COPZ1: variants seen among roughly 807,000 people sequenced by gnomAD.
COPZ1 encodes the protein coat protein complex I subunit zeta 1, also known as coatomer subunit zeta-1.
A neutral mutation model predicts 31.7 loss-of-function variants in COPZ1; 4 were observed. The observed-to-expected ratio is 0.13, with a 90% CI of 0.06 to 0.29. The LOEUF is 0.29. Ranked by LOEUF, COPZ1 falls within the 10% of genes least tolerant of loss-of-function variation. The pLI is 1.00. For synonymous variants in COPZ1, 74 were observed against 79.0 expected, an observed-to-expected ratio of 0.94 and a Z score of 0.33; for missense variants, 156 against 211.5, an observed-to-expected ratio of 0.74 and a Z score of 1.63.
chr12:54,335,471 C>T (rs1487455480), intron 1 of COPZ1, among the ~76,000 whole-genome samples: 12 of 150,462 alleles, frequency 8.0e-5, no homozygotes, highest in Admixed American at 2.0e-4. Flanking sequence ...TGCAGTGGTG[C>T]GATCTCAGCT....
intron 1 of COPZ1, among the ~76,000 whole-genome samples, chr12:54,328,022 T>C (rs1198311025): frequency 6.6e-6 from 1 of 151,756 alleles, no homozygotes; most frequent in Non-Finnish European, 1.5e-5. Context: ...CCTGTAATCC[T>C]AGCACTTTGG....
At chr12:54,349,478 C>T (rs986523044) in intron 7 of COPZ1, 142 bp from the exon 8 acceptor site, 2 of 758,032 alleles carry the variant, frequency 2.6e-6, no homozygotes, top group East Asian at 2.4e-5. Context: ...CTGTACTAGT[C>T]CCTAGAAGGG....
chr12:54,327,627 A>T (rs2137081935), intron 1 of COPZ1, among the ~76,000 whole-genome samples: 1 of 152,042 alleles, frequency 6.6e-6, no homozygotes, highest in Admixed American at 6.6e-5. Context: ...GGTTGAGTGC[A>T]GTGGCTCATG....
At chr12:54,325,462 C>T in intron 1 of COPZ1, 1 of 375,664 alleles carries the variant, frequency 2.7e-6, no homozygotes, top group Non-Finnish European at 4.8e-6. Context: ...GATTAGGACC[C>T]TTCAGGTTGC....
intron 1 of COPZ1, among the ~76,000 whole-genome samples, chr12:54,331,582 G>A (rs146563046): frequency 5.9e-5 from 9 of 152,266 alleles, no homozygotes; most frequent in African/African-American, 2.2e-4. Context: ...TGGTTTTAGA[G>A]GGAGACTAAA....
At position 54,347,812 on chromosome 12, in the gene COPZ1, G is replaced by A. The variant is rs374563807; in HGVS notation, c.363G>A (p.Leu121=). The part of the protein sequence containing the change: ...KRALLENMEG[L]FLAVDEIVDG... ...CACTGCTGGAGAACATGGAGGGGCT[G>A]TTCTTGGCTGTGGATGAAATTGTAG... Residue 121 remains leucine (L), a synonymous_variant, in exon 6 of 9, where the codon CTG becomes CTA. Transcript: ENST00000262061. 8 of 1,612,600 alleles carry A rather than the reference G, an allele frequency of 5.0e-6. No homozygotes were observed. Among genetic ancestry groups the A allele is most frequent in the Non-Finnish European group, 6.8e-6 (8 of 1,179,676 alleles).
At chr12:54,339,243 G>A (rs1277411385) in intron 1 of COPZ1, among the ~76,000 whole-genome samples, 1 of 142,758 alleles carries the variant, frequency 7.0e-6, no homozygotes, top group Non-Finnish European at 1.5e-5. Flanking sequence ...ACAATACAGT[G>A]ACACCTTTTC....
At chr12:54,334,288 G>C (rs561805289) in intron 1 of COPZ1, among the ~76,000 whole-genome samples, 4 of 151,948 alleles carry the variant, frequency 2.6e-5, no homozygotes, top group Admixed American at 2.0e-4. Context: ...GGGCGTGGTG[G>C]GAAGCGCCTG....
chr12:54,326,640 G>GGTGTGTGTGT lies in COPZ1; in HGVS notation c.18+1490_18+1499dup, dbSNP rs71070816. ...AGTGCCCTATTTTGCGATTTGGAGG[G>GGTGTGTGTGT]GTGTGTGTGTGTGTGTGTGTGTGTG... On this transcript the variant is annotated intron_variant, in intron 1 of 8. Transcript: ENST00000262061. Among the ~76,000 whole-genome samples the GGTGTGTGTGT allele has an allele frequency of 3.8e-4, 51 of 134,592 alleles. 2 individuals carry two copies. Among genetic ancestry groups the GGTGTGTGTGT allele is most frequent in the Non-Finnish European group, 3.4e-4 (22 of 64,364 alleles). 88.3% of individuals were successfully genotyped at this position (134,592 alleles called of 152,430 possible). A position where few individuals can be genotyped will look rare whatever the true frequency, so the allele number is the denominator to read the frequency against.
intron 1 of COPZ1, among the ~76,000 whole-genome samples, chr12:54,339,178 T>G (rs2137099738): frequency 6.6e-6 from 1 of 151,628 alleles, no homozygotes; most frequent in East Asian, 1.9e-4. Flanking sequence ...CACTTGCACT[T>G]TGGGAGGCCT....
chr12:54,329,808 A>G (rs2137085011), intron 1 of COPZ1, among the ~76,000 whole-genome samples: 1 of 152,316 alleles, frequency 6.6e-6, no homozygotes, highest in African/African-American at 2.4e-5. Context: ...GCACAAGGAT[A>G]TGAGTATGTA....
intron 7 of COPZ1, 162 bp downstream of exon 7, chr12:54,348,213 T>C: frequency 1.6e-6 from 1 of 634,948 alleles, no homozygotes; most frequent in East Asian, 2.7e-5. Context: ...CTCTTCTTAT[T>C]GTCCCAAAGA....
intron 7 of COPZ1, among the ~76,000 whole-genome samples, chr12:54,349,365 T>C (rs545939912): frequency 6.6e-6 from 1 of 152,306 alleles, no homozygotes; most frequent in African/African-American, 2.4e-5. Flanking sequence ...CTGGTTACTC[T>C]GAATGGAGTT....
At chr12:54,327,973 G>A (rs1953684579) in intron 1 of COPZ1, among the ~76,000 whole-genome samples, 1 of 151,532 alleles carries the variant, frequency 6.6e-6, no homozygotes, top group Non-Finnish European at 1.5e-5. Context: ...GGAGTTATAT[G>A]TGAAAGTATC....
intron 5 of COPZ1, chr12:54,346,500 T>C: frequency 3.4e-6 from 2 of 595,226 alleles, no homozygotes; most frequent in East Asian, 6.3e-5. Flanking sequence ...CTTGAACTCC[T>C]GACCTCAAAT....
At chr12:54,332,485 C>G (rs982766432) in intron 1 of COPZ1, among the ~76,000 whole-genome samples, 6 of 151,466 alleles carry the variant, frequency 4.0e-5, no homozygotes, top group African/African-American at 1.5e-4. Flanking sequence ...GCGTGTAATC[C>G]CAGCACTTTG....
rs1286540627 is a variant in COPZ1, at chr12:54,350,837, C to T, written c.*314C>T. 15 of 406,108 alleles carry T rather than the reference C, an allele frequency of 3.7e-5. No individual in the cohort carries two copies. The East Asian group carries it at 5.5e-4, about 15-fold the overall frequency. 25.2% of individuals were successfully genotyped at this position (406,108 alleles called of 1,614,324 possible). ...CTGACATTTTTGTAAATTCTGTGCCCTTTGCTGTAGCTACACTTCAGATTA... is the reference window on the plus strand; with the variant it reads ...CTGACATTTTTGTAAATTCTGTGCCTTTTGCTGTAGCTACACTTCAGATTA... On this transcript the variant is annotated 3_prime_UTR_variant, in exon 9 of 9. Transcript: ENST00000262061.
At chr12:54,342,754 C>T (rs1033695423) in intron 3 of COPZ1, 3 of 173,724 alleles carry the variant, frequency 1.7e-5, no homozygotes, top group Non-Finnish European at 3.7e-5. Context: ...CCTGCCACCA[C>T]CCAAAAAGTG....
intron 1 of COPZ1, among the ~76,000 whole-genome samples, chr12:54,338,104 C>T (rs1953905418): frequency 6.6e-6 from 1 of 152,170 alleles, no homozygotes; most frequent in African/African-American, 2.4e-5. Flanking sequence ...GCTGCAAGAA[C>T]CAGTTTCCTA....
Sources: allele counts gnomAD v4.1 joint callset (sites outside exome capture counted in the v4.1 genomes callset), GRCh38; gene constraint gnomAD v4.1.1; transcripts MANE v1.5; gene names NCBI Gene and HGNC (gene_info 2026-07-23, HGNC 2026-07-21).